The following EPYC variants were observed in gnomAD, a reference collection of about 807,000 sequenced individuals.
The protein encoded by EPYC is epiphycan, also known as dermatan sulfate proteoglycan 3.
Under a neutral mutation model 30.1 loss-of-function variants are expected in EPYC, and 28 were observed. That is an observed-to-expected ratio of 0.93 (90% confidence interval 0.69 to 1.28). EPYC has a LOEUF of 1.28. Among genes scored for constraint, EPYC ranks in the 50% most tolerant of loss-of-function variants. The pLI is 0.00. For missense variants in EPYC, 382 were observed against 383.5 expected (o/e 1.00, Z 0.03); for synonymous variants, 144 against 141.4 (o/e 1.02, Z -0.13).
chr12:90,993,095 C>G (rs543982010), intron 2 of EPYC, among the ~76,000 whole-genome samples: 1 of 152,284 alleles, frequency 6.6e-6, no homozygotes, highest in East Asian at 1.9e-4. Flanking sequence ...AATCAAATCT[C>G]TTCTTAGATC....
intron 2 of EPYC, among the ~76,000 whole-genome samples, chr12:90,998,438 C>T (rs1411523389): frequency 1.3e-5 from 2 of 152,022 alleles, no homozygotes; most frequent in African/African-American, 4.8e-5. Context: ...CATGAGAAAT[C>T]ACACAAATAA....
chr12:90,985,521 A>G (rs1877428116), intron 2 of EPYC, among the ~76,000 whole-genome samples: 1 of 152,166 alleles, frequency 6.6e-6, no homozygotes, highest in African/African-American at 2.4e-5. Context: ...AGGAAAAGCG[A>G]TATCAGAGAA....
intron 2 of EPYC, among the ~76,000 whole-genome samples, chr12:90,982,442 A>C (rs76460395): frequency 0.013 from 1,993 of 151,132 alleles, 45 homozygotes; most frequent in African/African-American, 0.045. Context: ...GCCATTTCCA[A>C]CTTCTCTCTT....
chr12:90,968,761 TA>T (rs943275736), intron 6 of EPYC, among the ~76,000 whole-genome samples: 1 of 152,018 alleles, frequency 6.6e-6, no homozygotes, highest in East Asian at 1.9e-4. Context: ...ATAATAGTAA[TA>T]AAATTTAATT....
chr12:90,984,331 G>A (rs183151982), intron 2 of EPYC, among the ~76,000 whole-genome samples: 2 of 152,028 alleles, frequency 1.3e-5, no homozygotes, highest in Non-Finnish European at 2.9e-5. Flanking sequence ...GGTTGGTGGT[G>A]GGGGGAACAA....
At chr12:90,976,330 A>G (rs117135964) in intron 3 of EPYC, among the ~76,000 whole-genome samples, 1,620 of 152,262 alleles carry the variant, frequency 0.011, 27 homozygotes, top group East Asian at 0.056. Flanking sequence ...TCCTTTATCA[A>G]TAGAATTTTC....
chr12:90,997,895 A>G, intron 2 of EPYC, among the ~76,000 whole-genome samples: 1 of 152,186 alleles, frequency 6.6e-6, no homozygotes. Flanking sequence ...AGTTCAACTA[A>G]AACAAATATC....
chr12:90,995,959 AT>A (rs1192327037), intron 2 of EPYC, among the ~76,000 whole-genome samples: 32 of 151,910 alleles, frequency 2.1e-4, no homozygotes, highest in Admixed American at 2.0e-3. Context: ...AAGATATTTA[AT>A]TCAGGCTGAT....
At chr12:90,966,551 C>T (rs554624357) in intron 6 of EPYC, among the ~76,000 whole-genome samples, 16 of 151,900 alleles carry the variant, frequency 1.1e-4, no homozygotes, top group Non-Finnish European at 1.8e-4. Context: ...TTTGTTGAGG[C>T]GATTTGCATC....
chr12:90,970,255 T>A (rs1877007305), intron 5 of EPYC, 116 bp from the exon 6 acceptor site: 1 of 746,138 alleles, frequency 1.3e-6, no homozygotes, highest in African/African-American at 1.7e-5. Context: ...TAAAATAGCA[T>A]GTTCCAGTTC....
At chr12:90,977,574 G>T (rs1334741692) in intron 3 of EPYC, among the ~76,000 whole-genome samples, 2 of 152,020 alleles carry the variant, frequency 1.3e-5, no homozygotes, top group Admixed American at 6.6e-5. Flanking sequence ...TTGAATTATG[G>T]TTTTCTCCAT....
At chr12:90,965,097 GTA>G (rs1163235647) in intron 6 of EPYC, among the ~76,000 whole-genome samples, 8 of 152,224 alleles carry the variant, frequency 5.3e-5, no homozygotes, top group African/African-American at 1.7e-4. Context: ...TTTCACGTAA[GTA>G]GAATTATATA....
chr12:90,968,949 C>G (rs1429562001), intron 6 of EPYC, among the ~76,000 whole-genome samples: 2 of 150,938 alleles, frequency 1.3e-5, no homozygotes, highest in East Asian at 1.9e-4. Flanking sequence ...GGCAAGTAAA[C>G]AAATCAGACA....
intron 2 of EPYC, among the ~76,000 whole-genome samples, 189 bp downstream of exon 2, chr12:91,002,208 AAAAG>A (rs1260962791): frequency 2.6e-5 from 4 of 151,282 alleles, no homozygotes; most frequent in Non-Finnish European, 5.9e-5. Flanking sequence ...AAAAAAAAAA[AAAAG>A]GGCAAAAGAC....
Position 90,970,147 on chromosome 12 carries a change from C to T in EPYC, c.703-8G>A, listed in dbSNP as rs1454035143. 11 of 1,599,048 alleles carry T rather than the reference C, an allele frequency of 6.9e-6. No homozygotes were observed. The Middle Eastern group carries it at 6.6e-4, about 97-fold the overall frequency. On this transcript the variant is annotated splice_polypyrimidine_tract_variant and splice_region_variant and intron_variant, in intron 5 of 6. Transcript: ENST00000261172. ...ATGGAGATCATACATGTCCTGTAAA[C>T]ATTCCAAATGTGGGAACTCAATAAA...
In EPYC at chr12:90,970,139, C is replaced by T. The variant is rs116772978; in HGVS notation, c.703G>A (p.Asp235Asn). ...RKGIKQEAFK[D>N]MYDLHHLYLT... ...TACAGATGATGGAGATCATACATGTCCTGTAAACATTCCAAATGTGGGAAC... is the reference window on the plus strand; with the variant it reads ...TACAGATGATGGAGATCATACATGTTCTGTAAACATTCCAAATGTGGGAAC... The change falls in exon 6 of 7, where the codon GAC becomes AAC. Residue 235 changes from aspartate to asparagine, a missense_variant and splice_region_variant. Transcript: ENST00000261172. The T allele has an allele frequency of 6.2e-7, 1 of 1,606,908 alleles. No individual in the cohort carries two copies. The highest frequency in any genetic ancestry group is 2.2e-5 in the East Asian group (1 of 44,804).
In EPYC at chr12:90,971,831, C is replaced by A. The variant is rs779381919; in HGVS notation, c.671G>T (p.Gly224Val). ...TFIDISNNRL[G>V]RKGIKQEAFK... ...TGCTTCTTGCTTTATCCCTTTCCTT[C>A]CAAGTCTATTGTTGCTAATATCAAT... The change falls in exon 5 of 7, where the codon GGA becomes GTA. Residue 224 changes from glycine to valine, a missense_variant. Transcript: ENST00000261172. 34 of 1,608,364 alleles carry A rather than the reference C, an allele frequency of 2.1e-5. No individual in the cohort carries two copies. In the Middle Eastern group the frequency reaches 1.2e-3, roughly 55 times the overall value.
rs182735069 is a variant in EPYC at position 90,984,769 on chromosome 12, G to A, written c.166-6507C>T. On this transcript the variant is annotated intron_variant, in intron 2 of 6. Transcript: ENST00000261172. ...AGCCTCCTCTAATCTCCTCCACCCA[G>A]AAGGAAACAAGCAAAGAAATCTCCA... Among the ~76,000 whole-genome samples the A allele has an allele frequency of 4.9e-4, 75 of 152,042 alleles. 1 individual carries two copies. In the Middle Eastern group the frequency reaches 0.014, roughly 28 times the overall value.
chr12:91,000,393 T>C (rs533779890), intron 2 of EPYC, among the ~76,000 whole-genome samples: 4 of 152,112 alleles, frequency 2.6e-5, no homozygotes, highest in Non-Finnish European at 5.9e-5. Flanking sequence ...ATATTGTATA[T>C]TAAGTAATGT....
Sources: allele counts gnomAD v4.1 joint callset (sites outside exome capture counted in the v4.1 genomes callset), GRCh38; gene constraint gnomAD v4.1.1; transcripts MANE v1.5; gene names NCBI Gene and HGNC (gene_info 2026-07-23, HGNC 2026-07-21).